The following TET3 variants were observed in gnomAD, a reference collection of about 807,000 sequenced individuals.
TET3 encodes the protein methylcytosine dioxygenase TET3.
A neutral mutation model predicts 141.4 loss-of-function variants in TET3; 19 were observed. The observed-to-expected ratio is 0.13, with a 90% CI of 0.09 to 0.20. The LOEUF (loss-of-function observed/expected upper bound fraction) is 0.20. Ranked by LOEUF, TET3 falls within the 10% of genes least tolerant of loss-of-function variation. The pLI is 1.00. For missense variants in TET3, 1,874 were observed against 2,356.9 expected, an observed-to-expected ratio of 0.80 and a Z score of 4.24; for synonymous variants, 1,043 against 980.9, an observed-to-expected ratio of 1.06 and a Z score of -1.18.
rs531930640 is a variant in TET3, at chr2:74,040,763, G to C, written c.361-5515G>C. Among the ~76,000 whole-genome samples the C allele has an allele frequency of 5.9e-5, 9 of 152,280 alleles. No homozygotes were observed. In the South Asian group the frequency reaches 1.9e-3, roughly 32 times the overall value. ...TTTGTCTCTACTAAAAATAAAATCAGCTGGGCATGGTGGTGCATACCTGTG... is the reference window on the plus strand; with the variant it reads ...TTTGTCTCTACTAAAAATAAAATCACCTGGGCATGGTGGTGCATACCTGTG... On this transcript the variant is annotated intron_variant, in intron 3 of 11. Coordinates refer to ENST00000409262, the MANE Select transcript of TET3 (RefSeq NM_001287491.2).
chr2:74,043,035 T>C (rs1371800381), intron 3 of TET3, among the ~76,000 whole-genome samples: 1 of 152,202 alleles, frequency 6.6e-6, no homozygotes, highest in Non-Finnish European at 1.5e-5. Context: ...ACTTTTTAAA[T>C]CCCTTTTAGT....
chr2:74,126,774 A>G, the TET3 span, among the ~76,000 whole-genome samples: 4 of 152,166 alleles, frequency 2.6e-5, no homozygotes, highest in African/African-American at 9.7e-5. Flanking sequence ...AAGTGCTGGG[A>G]TTACAGGCGT....
the TET3 span, among the ~76,000 whole-genome samples, chr2:74,131,287 T>G: frequency 6.6e-6 from 1 of 152,214 alleles, no homozygotes; most frequent in Admixed American, 6.5e-5. Context: ...TTGTTCAGCT[T>G]TGGCCTCTCC....
At chr2:73,993,889 A>G (rs1015737894) in intron 2 of TET3, 6 of 152,234 alleles carry the variant, frequency 3.9e-5, no homozygotes, top group Non-Finnish European at 8.8e-5. Context: ...GTGTCCATAG[A>G]ATCTTAGGTC....
intron 10 of TET3, among the ~76,000 whole-genome samples, chr2:74,096,693 G>A (rs1408219731): frequency 1.3e-5 from 2 of 151,736 alleles, no homozygotes; most frequent in South Asian, 2.1e-4. Flanking sequence ...GCTTGAACCC[G>A]GGAGGCAGAG....
At chr2:73,995,521 T>TACCTGAGCCCTCTA (rs1684548730) in intron 2 of TET3, among the ~76,000 whole-genome samples, 1 of 152,224 alleles carries the variant, frequency 6.6e-6, no homozygotes, top group Admixed American at 6.5e-5. Flanking sequence ...AAGCGTGCCC[T>TACCTGAGCCCTCTA]ACCTGAGCCC....
At chr2:74,010,354 G>A (rs1685365607) in intron 3 of TET3, among the ~76,000 whole-genome samples, 1 of 152,196 alleles carries the variant, frequency 6.6e-6, no homozygotes, top group African/African-American at 2.4e-5. Context: ...AGCCGGATGT[G>A]GAGGAGGACC....
In TET3 at chr2:74,024,611, GA is replaced by G. The variant is rs144159944; in HGVS notation, c.360+21447del. ...GGAAGGGGGATGGGATTAAGTCAGA[GA>G]ACTTGAGTTCTGGAGCCCCTCCTGC... On this transcript the variant is annotated intron_variant, in intron 3 of 11. Coordinates refer to ENST00000409262, the MANE Select transcript of TET3 (RefSeq NM_001287491.2). Among the ~76,000 whole-genome samples, 546 of 152,196 alleles carry G rather than the reference GA, an allele frequency of 3.6e-3. 2 individuals carry two copies. The highest frequency in any genetic ancestry group is 0.012 in the African/African-American group (509 of 41,520).
the TET3 span, among the ~76,000 whole-genome samples, chr2:74,117,871 G>T: frequency 6.6e-6 from 1 of 152,034 alleles, no homozygotes. Context: ...TCAGCCTCCT[G>T]AGTAGCTGGG....
rs76670707 is a variant in TET3 at position 74,049,717 on chromosome 2, T to G, written c.2494+1306T>G. On this transcript the variant is annotated intron_variant, in intron 4 of 11. Transcript: ENST00000409262. The stretch of plus-strand genomic sequence containing the variant: ...TGCTGGGATGTTGTTTCCCGGTCAG[T>G]AGGGAGGAGCTGGGCTGTTCTGCCT... Among the ~76,000 whole-genome samples, 41 of 152,170 alleles carry G rather than the reference T, an allele frequency of 2.7e-4. No homozygotes were observed. In the East Asian group the frequency reaches 7.7e-3, roughly 29 times the overall value.
At chr2:74,098,629 T>C (rs1011459969) in intron 10 of TET3, among the ~76,000 whole-genome samples, 5 of 151,824 alleles carry the variant, frequency 3.3e-5, no homozygotes, top group Non-Finnish European at 5.9e-5. Flanking sequence ...AGTTTCACTC[T>C]TGTTGCCCAG....
Position 74,100,459 on chromosome 2 carries a change from A to G in TET3, c.3671A>G (p.Asn1224Ser). ...CCCTCCCTCAAGGTGGAGCCGCAGA[A>G]CCACTTCAGCTCCTTCAAGTACAGC... ...LKPSLKVEPQ[N>S]HFSSFKYSGN... The change falls in exon 12 of 12, where the codon AAC becomes AGC. Residue 1224 changes from asparagine to serine, a missense_variant. By Grantham distance (46) the Asn-to-Ser change is conservative (BLOSUM62 1). Coordinates refer to ENST00000409262, the MANE Select transcript of TET3 (RefSeq NM_001287491.2). 6.3e-7 allele frequency: 1 copy of G among 1,587,380 alleles called. No homozygotes were observed. The highest frequency in any genetic ancestry group is 8.6e-7 in the Non-Finnish European group (1 of 1,167,170).
intron 4 of TET3, among the ~76,000 whole-genome samples, chr2:74,054,904 T>C (rs1558752457): frequency 6.6e-6 from 1 of 152,070 alleles, no homozygotes; most frequent in Non-Finnish European, 1.5e-5. Context: ...TTGTTGTTGT[T>C]GTTGTTTTTG....
At position 74,046,703 on chromosome 2, in the gene TET3, C is replaced by T. The variant is rs376958560; in HGVS notation, c.786C>T (p.Leu262=). ...DLDTLQTALA[L]ARHGMKPPNC... is the part of the protein sequence containing the mutation. The stretch of plus-strand genomic sequence containing the variant: ...ACACACTGCAGACGGCCCTGGCCCT[C>T]GCGCGGCATGGTATGAAACCACCCA... Residue 262 remains leucine (L), a synonymous_variant, in exon 4 of 12, where the codon CTC becomes CTT. Coordinates refer to ENST00000409262, the MANE Select transcript of TET3 (RefSeq NM_001287491.2). This position sits in a 1 kb window ranked among gnomAD's most constrained non-coding sequence, Gnocchi z 4.3. 261 of 1,613,980 alleles carry T rather than the reference C, an allele frequency of 1.6e-4. No homozygotes were observed. The highest frequency in any genetic ancestry group is 6.3e-4 in the Admixed American group (38 of 60,032).
chr2:74,007,549 A>G (rs1370639871), intron 3 of TET3, among the ~76,000 whole-genome samples: 2 of 152,226 alleles, frequency 1.3e-5, no homozygotes, highest in Non-Finnish European at 1.5e-5. Context: ...AGACTCATTT[A>G]GAGTGTGGGC....
At chr2:74,061,717 C>T (rs1035468344) in intron 4 of TET3, among the ~76,000 whole-genome samples, 3 of 142,916 alleles carry the variant, frequency 2.1e-5, no homozygotes, top group Non-Finnish European at 3.0e-5. Flanking sequence ...AGCTGCCGGG[C>T]GGAGGGGCTC....
chr2:74,085,181 A>G (rs1690054183), intron 6 of TET3, among the ~76,000 whole-genome samples: 1 of 151,454 alleles, frequency 6.6e-6, no homozygotes, highest in African/African-American at 2.4e-5. Context: ...TGGAGCACTC[A>G]TGTTTTTGGA....
chr2:74,039,135 A>G (rs987281771), intron 3 of TET3, among the ~76,000 whole-genome samples: 2 of 152,210 alleles, frequency 1.3e-5, no homozygotes, highest in African/African-American at 4.8e-5. Context: ...TCTCTGTAGC[A>G]TTCAGGCTGT....
At chr2:73,993,940 G>A (rs1211626384) in intron 2 of TET3, among the ~76,000 whole-genome samples, 2 of 152,096 alleles carry the variant, frequency 1.3e-5, no homozygotes, top group African/African-American at 4.8e-5. Flanking sequence ...GAATCGATGT[G>A]TGCCCTTTTC....
Sources: gnomAD v4.1 joint callset for allele counts (sites outside exome capture counted in the v4.1 genomes callset) on GRCh38, gnomAD v4.1.1 for gene constraint, Gnocchi (gnomAD v3.1) non-coding constraint, MANE v1.5 for transcripts, NCBI Gene and HGNC (gene_info 2026-07-23, HGNC 2026-07-21) for gene names.